Variants in FRMD3 observed in about 807,000 individuals in gnomAD.
FRMD3 encodes FERM domain-containing protein 3.
FRMD3 carries 33 observed loss-of-function variants against 70.2 expected under a neutral mutation model. That is an observed-to-expected ratio of 0.47 (90% CI 0.36 to 0.63). The LOEUF is 0.63. FRMD3 is among the 20% of genes least tolerant of loss of function. The pLI is 0.00. For missense variants in FRMD3, 632 were observed against 711.4 expected (o/e 0.89, Z 1.27); for synonymous variants, 279 against 255.9 (o/e 1.09, Z -0.86).
chr9:83,581,260 T>C, the FRMD3 span, among the ~76,000 whole-genome samples: 21 of 152,212 alleles, frequency 1.4e-4, no homozygotes, highest in Non-Finnish European at 2.8e-4. Context: ...TATAAAGAAC[T>C]CTTACAACTC....
intron 1 of FRMD3, among the ~76,000 whole-genome samples, chr9:83,452,062 C>A (rs1265519785): frequency 6.6e-6 from 1 of 152,158 alleles, no homozygotes; most frequent in Non-Finnish European, 1.5e-5. Context: ...GCTATCAATC[C>A]TTGCCCCCTT....
At chr9:83,251,511 G>C (rs569709881) in intron 13 of FRMD3, among the ~76,000 whole-genome samples, 8 of 152,310 alleles carry the variant, frequency 5.3e-5, no homozygotes, top group African/African-American at 1.9e-4. Flanking sequence ...CTGGGCTAAG[G>C]CTGAGATGGA....
intron 6 of FRMD3, among the ~76,000 whole-genome samples, chr9:83,331,697 G>A (rs1823377229): frequency 6.6e-6 from 1 of 152,136 alleles, no homozygotes; most frequent in Non-Finnish European, 1.5e-5. Context: ...AAGGGGTATA[G>A]AGGAAATCTC....
At chr9:83,492,858 C>T (rs1026109182) in intron 1 of FRMD3, among the ~76,000 whole-genome samples, 1 of 152,190 alleles carries the variant, frequency 6.6e-6, no homozygotes, top group Non-Finnish European at 1.5e-5. Context: ...ATGGAAAATT[C>T]GTCAAGCTCG....
At chr9:83,580,878 C>G in the FRMD3 span, among the ~76,000 whole-genome samples, 1 of 151,874 alleles carries the variant, frequency 6.6e-6, no homozygotes, top group African/African-American at 2.4e-5. Flanking sequence ...TGAATGTATA[C>G]AGTTATGATT....
intron 1 of FRMD3, among the ~76,000 whole-genome samples, chr9:83,512,937 C>A (rs1443413106): frequency 6.6e-6 from 1 of 152,136 alleles, no homozygotes; most frequent in Non-Finnish European, 1.5e-5. Context: ...CTTCATGGAT[C>A]CCAGTCACAC....
chr9:83,459,448 C>T (rs1194840124), intron 1 of FRMD3, among the ~76,000 whole-genome samples: 1 of 152,246 alleles, frequency 6.6e-6, no homozygotes, highest in African/African-American at 2.4e-5. Context: ...GAGGTTTCAG[C>T]TCACTTCAAG....
rs35727605 is a variant in FRMD3 at position 83,528,296 on chromosome 9, GACAC to G, written c.147+9785_147+9788del. On this transcript the variant is annotated intron_variant, in intron 1 of 13. Transcript: ENST00000304195. ...TCTTAATATTTTGAATATAAACGCAGACACACACACACACACACACACACGTGCA... is the reference window on the plus strand; with the variant it reads ...TCTTAATATTTTGAATATAAACGCAGACACACACACACACACACACGTGCA... 1.3e-3 allele frequency among the ~76,000 whole-genome samples: 191 copies of G among 149,210 alleles called. 1 individual carries two copies. The highest frequency in any genetic ancestry group is 4.4e-3 in the African/African-American group (179 of 40,634).
intron 1 of FRMD3, among the ~76,000 whole-genome samples, chr9:83,432,404 T>C (rs72745075): frequency 0.068 from 10,323 of 152,270 alleles, 415 homozygotes; most frequent in East Asian, 0.16. Context: ...CCAAGGCTGC[T>C]GGGTGGCCCG....
At chr9:83,302,507 T>G (rs1464175854) in intron 10 of FRMD3, among the ~76,000 whole-genome samples, 1 of 152,172 alleles carries the variant, frequency 6.6e-6, no homozygotes, top group Non-Finnish European at 1.5e-5. Flanking sequence ...TCATAATATT[T>G]CATAGTACTC....
intron 1 of FRMD3, among the ~76,000 whole-genome samples, chr9:83,441,862 T>C (rs1249053426): frequency 2.2e-5 from 3 of 136,522 alleles, no homozygotes; most frequent in Non-Finnish European, 3.3e-5. Context: ...TTTGCTTTCC[T>C]TGAAACTGCC....
rs148806086 is a variant in FRMD3 at position 83,500,175 on chromosome 9, T to A, written c.147+37910A>T. ...ATCCTGTAATGGTGGATACAGGACA[T>A]ATTACATTTGTCAAAACCCACAGAA... On this transcript the variant is annotated intron_variant, in intron 1 of 13. Transcript: ENST00000304195. Among the ~76,000 whole-genome samples, 822 of 152,214 alleles carry A rather than the reference T, an allele frequency of 5.4e-3. 12 individuals are homozygous for A. Among genetic ancestry groups the A allele is most frequent in the African/African-American group, 0.018 (734 of 41,514 alleles).
At chr9:83,479,355 G>A (rs1007261838) in intron 1 of FRMD3, among the ~76,000 whole-genome samples, 4 of 110,396 alleles carry the variant, frequency 3.6e-5, no homozygotes, top group African/African-American at 1.4e-4. Context: ...AGGAGGAGGA[G>A]GAGGAGGAAG....
intron 13 of FRMD3, chr9:83,267,115 G>A (rs181069572): frequency 6.4e-7 from 1 of 1,550,716 alleles, no homozygotes; most frequent in Non-Finnish European, 8.7e-7. Context: ...GTCGAGTCTG[G>A]ATCTTGACCA....
rs550709595 is a variant in FRMD3 at position 83,368,473 on chromosome 9, A to G, written c.295+4440T>C. Among the ~76,000 whole-genome samples, 10 of 152,228 alleles carry G rather than the reference A, an allele frequency of 6.6e-5. No individual in the cohort carries two copies. In the East Asian group the frequency reaches 1.5e-3, roughly 24 times the overall value. On this transcript the variant is annotated intron_variant, in intron 3 of 13. Transcript: ENST00000304195. ...CAGCCTCCCGAGTAGCTGGGACTAC[A>G]GGCTATGTTAATTTAAAAATTAAAA...
chr9:83,528,665 G>T (rs761650603), intron 1 of FRMD3, among the ~76,000 whole-genome samples: 8 of 152,010 alleles, frequency 5.3e-5, no homozygotes, highest in Non-Finnish European at 1.0e-4. Flanking sequence ...AAGTAGCTGG[G>T]ACTACAGGCA....
chr9:83,545,356 GTTTT>G, the FRMD3 span, among the ~76,000 whole-genome samples: 635 of 117,624 alleles, frequency 5.4e-3, 8 homozygotes, highest in African/African-American at 0.019. Flanking sequence ...GTTTTTTTTT[GTTTT>G]TTTTTTTTTT....
At chr9:83,562,928 G>A in the FRMD3 span, among the ~76,000 whole-genome samples, 1 of 149,052 alleles carries the variant, frequency 6.7e-6, no homozygotes, top group African/African-American at 2.5e-5. Context: ...AATAAATGGT[G>A]TTCAATAAAT....
At chr9:83,378,261 G>GTTTTTTTT (rs141992984) in intron 2 of FRMD3, among the ~76,000 whole-genome samples, 2 of 129,406 alleles carry the variant, frequency 1.5e-5, no homozygotes, top group African/African-American at 3.0e-5. Flanking sequence ...CTTCTTTTTT[G>GTTTTTTTT]TTTTTTTTGT....
Sources: gnomAD v4.1 joint callset for allele counts (sites outside exome capture counted in the v4.1 genomes callset) on GRCh38, gnomAD v4.1.1 for gene constraint, MANE v1.5 for transcripts, NCBI Gene and HGNC (gene_info 2026-07-23, HGNC 2026-07-21) for gene names.